CLUAP1: variants seen among roughly 807,000 people sequenced by gnomAD.
The protein encoded by CLUAP1 is clusterin-associated protein 1.
A neutral mutation model predicts 55.0 loss-of-function variants in CLUAP1; 50 were observed. That is an observed-to-expected ratio of 0.91 (90% CI 0.72 to 1.15). The LOEUF (loss-of-function observed/expected upper bound fraction) is 1.15. CLUAP1 is among the 50% of genes most tolerant of loss of function. CLUAP1 has a pLI of 0.00. For missense variants in CLUAP1, 530 were observed against 507.6 expected (o/e 1.04, Z -0.42); for synonymous variants, 195 against 175.4 (o/e 1.11, Z -0.88).
In CLUAP1 at chr16:3,504,779, C is replaced by T. The variant is rs750671279; in HGVS notation, c.82C>T (p.Arg28Cys). 15 of 1,613,464 alleles carry T rather than the reference C, an allele frequency of 9.3e-6. No individual in the cohort carries two copies. The highest frequency in any genetic ancestry group is 6.7e-5 in the East Asian group (3 of 44,898). ...YPRHISMENF[R>C]TPNFGLVSEV... The stretch of plus-strand genomic sequence containing the variant: ...TCGACATATTTCTATGGAAAATTTC[C>T]GTACACCCAATTTTGGACTTGTATC... The change falls in exon 2 of 12, where the codon CGT (arginine) becomes TGT (cysteine). Residue 28 changes from arginine to cysteine, a missense_variant. Coordinates refer to ENST00000576634, the MANE Select transcript of CLUAP1 (RefSeq NM_015041.3).
At chr16:3,519,132 A>G (rs2037784865) in intron 6 of CLUAP1, among the ~76,000 whole-genome samples, 2 of 152,204 alleles carry the variant, frequency 1.3e-5, no homozygotes, top group Non-Finnish European at 2.9e-5. Context: ...GCGCACTACC[A>G]GTGACTCTAC....
At position 3,523,271 on chromosome 16, in the gene CLUAP1, A is replaced by G; in HGVS notation, c.827A>G (p.His276Arg). 6.2e-7 allele frequency: 1 copy of G among 1,613,376 alleles called. No individual in the cohort carries two copies. Among genetic ancestry groups the G allele is most frequent in the Non-Finnish European group, 8.5e-7 (1 of 1,179,804 alleles). ...TATCTGGAACAACAGCTTGAAGACC[A>G]TCATAGGATGGAGCAAGAAAGGTTT... is the stretch of plus-strand genomic sequence containing the variant. ...LTYLEQQLEDHHRMEQERFEE... is the reference protein window; with the variant it reads ...LTYLEQQLEDRHRMEQERFEE... The change falls in exon 8 of 12, where the codon CAT becomes CGT. Residue 276 changes from histidine (H) to arginine (R), a missense_variant. By Grantham distance (29) the His-to-Arg change is conservative. Coordinates refer to ENST00000576634, the MANE Select transcript of CLUAP1 (RefSeq NM_015041.3).
At chr16:3,496,381 A>C, upstream of CLUAP1, 1 of 1,183,756 alleles carries the variant, frequency 8.4e-7, no homozygotes, top group South Asian at 1.2e-5. Flanking sequence ...CCAACCGGCC[A>C]CCTCTGTCCG....
At chr16:3,515,890 A>G (rs1305568557) in intron 6 of CLUAP1, among the ~76,000 whole-genome samples, 3 of 152,336 alleles carry the variant, frequency 2.0e-5, no homozygotes, top group South Asian at 2.1e-4. Flanking sequence ...TGTTTAACCA[A>G]TTCCTCACTG....
intron 6 of CLUAP1, among the ~76,000 whole-genome samples, chr16:3,516,158 T>A (rs1372190173): frequency 2.6e-5 from 4 of 152,202 alleles, no homozygotes; most frequent in Admixed American, 2.6e-4. Context: ...CATTCCCAAC[T>A]GTGTGGGGTC....
At chr16:3,500,360 T>C (rs1420045175), upstream of CLUAP1, among the ~76,000 whole-genome samples, 1 of 149,326 alleles carries the variant, frequency 6.7e-6, no homozygotes, top group Non-Finnish European at 1.5e-5. Context: ...TTCCTGAGTA[T>C]AGTGCATTTT....
rs543752786 is a variant in CLUAP1, at chr16:3,532,643, C to T, written c.1037-143C>T. ...ATGTTGCCCAGGCTGGCCTCAAACT[C>T]CTGGCCTCCTGTCTCAGCCTCCCAA... On this transcript the variant is annotated intron_variant, in intron 10 of 11. Transcript: ENST00000576634. 7.8e-5 allele frequency: 61 copies of T among 778,674 alleles called. No homozygotes were observed. In the African/African-American group the frequency reaches 8.6e-4, roughly 11 times the overall value. The allele number at this position is 778,674 out of a possible 1,614,324, so 48.2% of individuals were successfully genotyped here.
In CLUAP1 at chr16:3,530,576, G is replaced by T; in HGVS notation, c.937G>T (p.Asp313Tyr). 6.2e-7 allele frequency: 1 copy of T among 1,613,664 alleles called. No individual in the cohort carries two copies. The highest frequency in any genetic ancestry group is 1.1e-5 in the South Asian group (1 of 91,028). The stretch of plus-strand genomic sequence containing the variant: ...GCTTGTGTTCCTGCTAGGTAACGAT[G>T]ACTCGGACATAGACATCCAGGAGGA... Reference protein sequence around the residue: ...KRLLKSGSNDDSDIDIQEDDE... With the variant: ...KRLLKSGSNDYSDIDIQEDDE... The change falls in exon 10 of 12, where the codon GAC becomes TAC. Residue 313 changes from aspartate to tyrosine, a missense_variant. Transcript: ENST00000576634.
intron 4 of CLUAP1, 52 bp downstream of exon 4, chr16:3,508,520 C>A: frequency 2.1e-6 from 3 of 1,461,678 alleles, no homozygotes; most frequent in Non-Finnish European, 2.7e-6. Context: ...ATTTCTTGAG[C>A]TCTGAAGTGG....
chr16:3,497,415 G>C (rs1311253118), upstream of CLUAP1, among the ~76,000 whole-genome samples: 1 of 152,124 alleles, frequency 6.6e-6, no homozygotes, highest in Non-Finnish European at 1.5e-5. Context: ...AGAATCTAAA[G>C]ACTTAAATAA....
chr16:3,512,947 T>C (rs1020510426), intron 5 of CLUAP1, among the ~76,000 whole-genome samples: 7 of 152,224 alleles, frequency 4.6e-5, no homozygotes, highest in Non-Finnish European at 8.8e-5. Flanking sequence ...CCCAAAGTGC[T>C]GGGATTACCG....
intron 9 of CLUAP1, among the ~76,000 whole-genome samples, chr16:3,529,302 T>C (rs1474628086): frequency 6.9e-6 from 1 of 145,202 alleles, no homozygotes; most frequent in African/African-American, 2.6e-5. Context: ...AGATTTTTTT[T>C]CCAAATAATT....
intron 1 of CLUAP1, among the ~76,000 whole-genome samples, chr16:3,502,375 C>T (rs2037421002): frequency 6.7e-6 from 1 of 150,288 alleles, no homozygotes; most frequent in African/African-American, 2.5e-5. Context: ...TTCCGGGAGG[C>T]AGAGGTTGCA....
intron 5 of CLUAP1, among the ~76,000 whole-genome samples, chr16:3,514,293 A>G (rs2037689659): frequency 6.6e-6 from 1 of 152,214 alleles, no homozygotes; most frequent in Non-Finnish European, 1.5e-5. Flanking sequence ...ACTGTTCCCA[A>G]GGAAACCATG....
At chr16:3,519,874 C>T (rs747463611) in intron 6 of CLUAP1, 29 bp from the exon 7 acceptor site, 1 of 1,558,306 alleles carries the variant, frequency 6.4e-7, no homozygotes, top group South Asian at 1.2e-5. Context: ...TTATTGCCAC[C>T]TTGTCTCATT....
chr16:3,529,843 TA>T (rs2038077447), intron 9 of CLUAP1, among the ~76,000 whole-genome samples: 1 of 47,892 alleles, frequency 2.1e-5, no homozygotes, highest in Non-Finnish European at 3.6e-5. Context: ...TAATATATTA[TA>T]TAATATATAT....
chr16:3,512,407 C>T lies in CLUAP1; in HGVS notation c.424C>T (p.Gln142Ter). The T allele has an allele frequency of 2.5e-6, 4 of 1,613,952 alleles. No individual in the cohort carries two copies. Among genetic ancestry groups the T allele is most frequent in the Non-Finnish European group, 3.4e-6 (4 of 1,179,846 alleles). Residue 142 changes from glutamine (Q) to a stop codon, truncating the protein, a stop_gained, in exon 5 of 12, where the codon CAG becomes TAG. Transcript: ENST00000576634. LOFTEE classifies it high-confidence loss of function. ...SKIADLKAAR[Q>*]LASEITSKGA... is the part of the protein sequence containing the mutation. ...GATTGCAGATTTGAAGGCAGCCAGG[C>T]AGCTTGCGTCTGAAATCACCTCCAA...
intron 7 of CLUAP1, among the ~76,000 whole-genome samples, chr16:3,522,038 G>A (rs1440345438): frequency 6.6e-6 from 1 of 152,052 alleles, no homozygotes; most frequent in East Asian, 1.9e-4. Flanking sequence ...TAGCCTGGGT[G>A]ACAAAGTGAG....
Position 3,508,438 on chromosome 16 carries a change from C to G in CLUAP1, c.369C>G (p.Val123=). 6.3e-7 allele frequency: 1 copy of G among 1,583,278 alleles called. No individual in the cohort carries two copies. Among genetic ancestry groups the G allele is most frequent in the African/African-American group, 1.4e-5 (1 of 72,760 alleles). The change falls in exon 4 of 12, where the codon GTC becomes GTG. Residue 123 remains valine, a synonymous_variant. Transcript: ENST00000576634. The stretch of plus-strand genomic sequence containing the variant: ...GCTCTGAAATAGTAGAGGAAGATGT[C>G]AACAAGTTCAAGTTTGATCTTGGCT... The part of the protein sequence containing the change: ...MEGSEIVEED[V]NKFKFDLGSK...
Sources: gnomAD v4.1 joint callset for allele counts (sites outside exome capture counted in the v4.1 genomes callset) on GRCh38, gnomAD v4.1.1 for gene constraint, MANE v1.5 for transcripts, NCBI Gene and HGNC (gene_info 2026-07-23, HGNC 2026-07-21) for gene names.